NLGN2: variants seen among roughly 807,000 people sequenced by gnomAD.
NLGN2 encodes neuroligin-2.
NLGN2 carries 11 observed loss-of-function variants against 48.6 expected under a neutral mutation model. The ratio of observed to expected loss-of-function variants is 0.23; its 90% CI spans 0.14 to 0.37. The LOEUF is 0.37. NLGN2 is among the 10% of genes least tolerant of loss of function. The pLI, the probability that NLGN2 is intolerant of heterozygous loss-of-function variation, is 1.00. For synonymous variants in NLGN2, 548 were observed against 550.0 expected, an observed-to-expected ratio of 1.00 and a Z score of 0.05; for missense variants, 801 against 1,225.2, an observed-to-expected ratio of 0.65 and a Z score of 5.17.
At position 7,408,792 on chromosome 17, in the gene NLGN2, G is replaced by T; in HGVS notation, c.457+80G>T. 5 of 1,605,452 alleles carry T rather than the reference G, an allele frequency of 3.1e-6. No homozygotes were observed. The highest frequency in any genetic ancestry group is 4.2e-6 in the Non-Finnish European group (5 of 1,177,312). On this transcript the variant is annotated intron_variant, in intron 1 of 6. Transcript: ENST00000302926. The surrounding 1 kb of genome is among the most constrained non-coding windows in gnomAD (Gnocchi z 7.5). ...ATGCAGACCCTCAGGCACTGGCACC[G>T]CTCTAGGGCTCAGAGCTGGGCCTTT...
In NLGN2 at chr17:7,414,328, A is replaced by AC. The variant is rs60631713; in HGVS notation, c.509-12dup. ...CCCTGACCCCCTGGCCCACCTGCCC[A>AC]CCCCTCCCCACACAGATATCCGTGA... On this transcript the variant is annotated splice_polypyrimidine_tract_variant and intron_variant, in intron 2 of 6. Transcript: ENST00000302926. 1 allele frequency: 1,589,697 copies of AC among 1,595,722 alleles called. 791,852 individuals carry two copies. Among genetic ancestry groups the AC allele is most frequent in the East Asian group, 1 (44,652 of 44,702 alleles).
At chr17:7,414,211 G>A (rs1907002843) in intron 2 of NLGN2, 133 bp from the exon 3 acceptor site, 1 of 770,110 alleles carries the variant, frequency 1.3e-6, no homozygotes, top group Non-Finnish European at 2.2e-6. Flanking sequence ...TGCCCCCCAG[G>A]GATGGGAGTG....
At chr17:7,415,191 A>G in intron 5 of NLGN2, 43 bp downstream of exon 5, 1 of 1,536,026 alleles carries the variant, frequency 6.5e-7, no homozygotes, top group Non-Finnish European at 8.8e-7. Context: ...TCAAGGTTCC[A>G]AGGAGGCTGA....
At chr17:7,410,103 G>C (rs1297061980) in intron 1 of NLGN2, among the ~76,000 whole-genome samples, 1 of 151,874 alleles carries the variant, frequency 6.6e-6, no homozygotes, top group Admixed American at 6.6e-5. Context: ...GACCTCAGGT[G>C]GTGAAAACAC....
In NLGN2 at chr17:7,417,464, G is replaced by C; in HGVS notation, c.2173G>C (p.Gly725Arg). 1 of 1,556,266 alleles carries C rather than the reference G, an allele frequency of 6.4e-7. No individual in the cohort carries two copies. The highest frequency in any genetic ancestry group is 8.7e-7 in the Non-Finnish European group (1 of 1,154,828). The change falls in exon 7 of 7, where the codon GGG (glycine) becomes CGG (arginine). Residue 725 changes from glycine to arginine, a missense_variant. Coordinates refer to ENST00000302926, the MANE Select transcript of NLGN2 (RefSeq NM_020795.4). ...PGGSGSGVPG[G>R]GPLLPAAGRE... ...CGGCTCAGGCTCTGGCGTGCCTGGTGGGGGCCCCCTGCTCCCCGCCGCGGG... is the reference window on the plus strand; with the variant it reads ...CGGCTCAGGCTCTGGCGTGCCTGGTCGGGGCCCCCTGCTCCCCGCCGCGGG...
At position 7,417,193 on chromosome 17, in the gene NLGN2, C is replaced by A. The variant is rs767358008; in HGVS notation, c.1902C>A (p.Pro634=). 16 of 1,564,282 alleles carry A rather than the reference C, an allele frequency of 1.0e-5. No homozygotes were observed. Among genetic ancestry groups the A allele is most frequent in the Non-Finnish European group, 1.4e-5 (16 of 1,157,588 alleles). Residue 634 remains proline, a synonymous_variant, in exon 7 of 7, where the codon CCC becomes CCA. Coordinates refer to ENST00000302926, the MANE Select transcript of NLGN2 (RefSeq NM_020795.4). ...PYATRWPPRP[P]AGAPGTRRPP... ...CCACGCGCTGGCCGCCTCGTCCCCC[C>A]GCTGGCGCCCCGGGCACACGCCGGC...
At chr17:7,412,893 T>TTCTC (rs1555548130) in intron 2 of NLGN2, among the ~76,000 whole-genome samples, 1 of 103,730 alleles carries the variant, frequency 9.6e-6, no homozygotes, top group Non-Finnish European at 2.2e-5. Flanking sequence ...TTGGTTGTTT[T>TTCTC]TTTCTTTCTT....
At position 7,413,914 on chromosome 17, in the gene NLGN2, A is replaced by G. The variant is rs1906993070; in HGVS notation, c.509-430A>G. ...GGGTGCCATGTGGAGTGGAGGCCCAAGGCCTGAGTCGGAGGAGACACCAGG... is the reference window on the plus strand; with the variant it reads ...GGGTGCCATGTGGAGTGGAGGCCCAGGGCCTGAGTCGGAGGAGACACCAGG... On this transcript the variant is annotated intron_variant, in intron 2 of 6. Transcript: ENST00000302926. The surrounding 1 kb of genome is among the most constrained non-coding windows in gnomAD (Gnocchi z 4.9). Among the ~76,000 whole-genome samples, 1 of 152,042 alleles carries G rather than the reference A, an allele frequency of 6.6e-6. No homozygotes were observed. Among genetic ancestry groups the G allele is most frequent in the Non-Finnish European group, 1.5e-5 (1 of 67,998 alleles).
Position 7,419,062 on chromosome 17 carries a change from A to G in NLGN2, c.*1263A>G, listed in dbSNP as rs1290146304. 1 of 152,088 alleles carries G rather than the reference A, an allele frequency of 6.6e-6. No individual in the cohort carries two copies. The highest frequency in any genetic ancestry group is 2.4e-5 in the African/African-American group (1 of 41,308). 9.4% of individuals were successfully genotyped at this position (152,088 alleles called of 1,614,324 possible). The stretch of plus-strand genomic sequence containing the variant: ...CTGCCTCAGTTCTCCGTTCCCCTTC[A>G]TCTCCGTCCCCCTCTTTGAAGCTGT... On this transcript the variant is annotated 3_prime_UTR_variant, in exon 7 of 7. Coordinates refer to ENST00000302926, the MANE Select transcript of NLGN2 (RefSeq NM_020795.4).
chr17:7,412,012 C>CT (rs537208351), intron 1 of NLGN2, 145 bp from the exon 2 acceptor site: 86 of 546,772 alleles, frequency 1.6e-4, no homozygotes, highest in Admixed American at 3.9e-4. Flanking sequence ...ACAAATTTTG[C>CT]TTTTTTTTGG....
At position 7,417,821 on chromosome 17, in the gene NLGN2, C is replaced by G; in HGVS notation, c.*22C>G. On this transcript the variant is annotated 3_prime_UTR_variant, in exon 7 of 7. Transcript: ENST00000302926. Reference sequence around the variant, plus strand: ...ATAGGGGGTGGGTGGGGAGGCCCTCCTCCCCGGCCCTCCCTGGCCCGGCCA... The same window carrying G: ...ATAGGGGGTGGGTGGGGAGGCCCTCGTCCCCGGCCCTCCCTGGCCCGGCCA... 1 of 1,345,152 alleles carries G rather than the reference C, an allele frequency of 7.4e-7. No homozygotes were observed. The highest frequency in any genetic ancestry group is 9.5e-7 in the Non-Finnish European group (1 of 1,056,574). The allele number at this position is 1,345,152 out of a possible 1,614,324, so 83.3% of individuals were successfully genotyped here.
intron 1 of NLGN2, among the ~76,000 whole-genome samples, chr17:7,410,169 G>A (rs894214381): frequency 6.9e-6 from 1 of 144,958 alleles, no homozygotes; most frequent in Non-Finnish European, 1.5e-5. Flanking sequence ...CATGCCCCCT[G>A]CACTCAGAAT....
rs1045643198 is a variant in NLGN2 at position 7,408,795 on chromosome 17, C to T, written c.457+83C>T. The T allele has an allele frequency of 1.2e-6, 2 of 1,605,494 alleles. No homozygotes were observed. Among genetic ancestry groups the T allele is most frequent in the African/African-American group, 2.7e-5 (2 of 74,634 alleles). On this transcript the variant is annotated intron_variant, in intron 1 of 6. Transcript: ENST00000302926. The surrounding 1 kb of genome is among the most constrained non-coding windows in gnomAD (Gnocchi z 7.5). Reference sequence around the variant, plus strand: ...CAGACCCTCAGGCACTGGCACCGCTCTAGGGCTCAGAGCTGGGCCTTTGTG... The same window carrying T: ...CAGACCCTCAGGCACTGGCACCGCTTTAGGGCTCAGAGCTGGGCCTTTGTG...
At chr17:7,409,564 C>T (rs997010226) in intron 1 of NLGN2, among the ~76,000 whole-genome samples, 9 of 152,032 alleles carry the variant, frequency 5.9e-5, no homozygotes, top group Non-Finnish European at 1.2e-4. Flanking sequence ...CCCCCCTGCA[C>T]CCCGCATGGC....
chr17:7,414,283 C>A, intron 2 of NLGN2, 61 bp from the exon 3 acceptor site: 2 of 1,526,428 alleles, frequency 1.3e-6, no homozygotes, highest in Non-Finnish European at 1.8e-6. Context: ...CTGCTGCTTC[C>A]GGTCTGACTG....
In NLGN2 at chr17:7,417,477, TC is replaced by T; in HGVS notation, c.2190del (p.Ala731ProfsTer17). 1 of 1,510,054 alleles carries T rather than the reference TC, an allele frequency of 6.6e-7. No individual in the cohort carries two copies. Among genetic ancestry groups the T allele is most frequent in the Non-Finnish European group, 8.8e-7 (1 of 1,134,560 alleles). 93.5% of individuals were successfully genotyped at this position (1,510,054 alleles called of 1,614,324 possible). A position where few individuals can be genotyped will look rare whatever the true frequency, so the allele number is the denominator to read the frequency against. On this transcript the variant is annotated frameshift_variant, in exon 7 of 7. Coordinates refer to ENST00000302926, the MANE Select transcript of NLGN2 (RefSeq NM_020795.4). LOFTEE classifies it low-confidence loss of function (END_TRUNC). ...GSGVPGGGPL[L>X]PAAGRELPPE... is the part of the protein sequence containing the mutation. ...GGCGTGCCTGGTGGGGGCCCCCTGC[TC>T]CCCGCCGCGGGCCGTGAGCTGCCAC...
chr17:7,406,280 G>A (rs55826194), upstream of NLGN2, among the ~76,000 whole-genome samples: 77 of 152,126 alleles, frequency 5.1e-4, no homozygotes, highest in Admixed American at 1.2e-3. Context: ...GGGGCCTCCA[G>A]TGGGAGGGAA....
upstream of NLGN2, among the ~76,000 whole-genome samples, chr17:7,406,545 T>C (rs533171688): frequency 6.6e-6 from 1 of 151,550 alleles, no homozygotes; most frequent in South Asian, 2.1e-4. Context: ...AGGATTCCTG[T>C]GTCCTCATCT....
intron 2 of NLGN2, among the ~76,000 whole-genome samples, chr17:7,412,708 G>T (rs77983244): frequency 1.3e-5 from 2 of 151,582 alleles, no homozygotes; most frequent in Non-Finnish European, 2.9e-5. Flanking sequence ...GCAAACATTC[G>T]AAGTGAATTA....
Sources: gnomAD v4.1 joint callset for allele counts (sites outside exome capture counted in the v4.1 genomes callset) on GRCh38, gnomAD v4.1.1 for gene constraint, Gnocchi (gnomAD v3.1) non-coding constraint, MANE v1.5 for transcripts, NCBI Gene and HGNC (gene_info 2026-07-23, HGNC 2026-07-21) for gene names.